Variants in NAA11 observed in about 807,000 individuals in gnomAD.
NAA11 encodes N-alpha-acetyltransferase 11, NatA catalytic subunit, also known as N-alpha-acetyltransferase 11.
NAA11 carries 15 observed loss-of-function variants against 16.1 expected under a neutral mutation model. That is an observed-to-expected ratio of 0.93 (90% confidence interval 0.62 to 1.44). The LOEUF (loss-of-function observed/expected upper bound fraction) is 1.44, where lower values mean the gene tolerates loss of function less well. NAA11 is among the 40% of genes most tolerant of loss of function. The pLI is 0.00. For missense variants in NAA11, 298 were observed against 291.3 expected (o/e 1.02, Z -0.17); for synonymous variants, 122 against 112.4 (o/e 1.09, Z -0.54).
chr4:79,264,493 C>T (rs993626659), intron 2 of NAA11, among the ~76,000 whole-genome samples: 3 of 152,126 alleles, frequency 2.0e-5, no homozygotes, highest in South Asian at 2.1e-4. Context: ...GTTGTCTATT[C>T]TCACTGTCTT....
the NAA11 span, among the ~76,000 whole-genome samples, chr4:79,180,485 A>G: frequency 0.01 from 1,528 of 152,346 alleles, 29 homozygotes; most frequent in African/African-American, 0.035. Context: ...AAAAATGCTC[A>G]TCATCACTGG....
intron 2 of NAA11, among the ~76,000 whole-genome samples, chr4:79,291,591 G>A (rs1397791375): frequency 5.3e-5 from 8 of 152,132 alleles, no homozygotes; most frequent in African/African-American, 1.9e-4. Context: ...GGGCGTGGTG[G>A]TGCATGCCTG....
rs1451090813 is a variant in NAA11, at chr4:79,254,679, TTTAA to T, written c.*123-28413_*123-28410del. 3.3e-5 allele frequency among the ~76,000 whole-genome samples: 5 copies of T among 150,032 alleles called. No individual in the cohort carries two copies. The East Asian group carries it at 9.7e-4, about 29-fold the overall frequency. On this transcript the variant is annotated intron_variant and NMD_transcript_variant, in intron 2 of 2. Transcript: ENST00000511542. ...TTTTTTACTTTTTTCTTTTAGTTAA[TTTAA>T]TTTATTTATTTACTTTTTTATTATT...
At chr4:79,168,570 G>C in the NAA11 span, among the ~76,000 whole-genome samples, 3 of 152,160 alleles carry the variant, frequency 2.0e-5, no homozygotes, top group Non-Finnish European at 2.9e-5. Flanking sequence ...ATTCGAACTA[G>C]CGTGAGATGG....
At chr4:79,234,794 A>G (rs1721535745) in intron 2 of NAA11, among the ~76,000 whole-genome samples, 1 of 152,126 alleles carries the variant, frequency 6.6e-6, no homozygotes, top group Non-Finnish European at 1.5e-5. Flanking sequence ...ATTTTTTAAA[A>G]TGTTATGAAC....
intron 2 of NAA11, among the ~76,000 whole-genome samples, chr4:79,266,327 C>G (rs1413024135): frequency 1.3e-5 from 2 of 152,146 alleles, no homozygotes. Flanking sequence ...TGGCAGGCAA[C>G]CTGATGTGCA....
chr4:79,160,418 T>C, the NAA11 span, among the ~76,000 whole-genome samples: 1 of 152,244 alleles, frequency 6.6e-6, no homozygotes, highest in African/African-American at 2.4e-5. Flanking sequence ...GGTCCTATGG[T>C]AACTTTTTGA....
chr4:79,279,528 A>G (rs1722739160), intron 2 of NAA11, among the ~76,000 whole-genome samples: 2 of 152,112 alleles, frequency 1.3e-5, no homozygotes, highest in Admixed American at 1.3e-4. Context: ...AAGCAAACAT[A>G]GTAACTAAGA....
chr4:79,167,634 G>T, the NAA11 span, among the ~76,000 whole-genome samples: 1 of 151,930 alleles, frequency 6.6e-6, no homozygotes, highest in Admixed American at 6.6e-5. Context: ...TTCTCTCATT[G>T]CTATGAAGAA....
the NAA11 span, among the ~76,000 whole-genome samples, chr4:79,218,068 A>G: frequency 6.6e-6 from 1 of 152,078 alleles, no homozygotes; most frequent in African/African-American, 2.4e-5. Flanking sequence ...TAACCTAGGG[A>G]TTATCTGGTA....
the NAA11 span, among the ~76,000 whole-genome samples, chr4:79,184,138 T>C: frequency 6.6e-6 from 1 of 152,246 alleles, no homozygotes; most frequent in African/African-American, 2.4e-5. Flanking sequence ...GGCACACTAA[T>C]GTCTACAGAA....
intron 2 of NAA11, among the ~76,000 whole-genome samples, chr4:79,266,533 T>C (rs1201863851): frequency 6.6e-6 from 1 of 152,236 alleles, no homozygotes; most frequent in Non-Finnish European, 1.5e-5. Flanking sequence ...GCCCCTGCTC[T>C]CTTACAGTTT....
the NAA11 span, among the ~76,000 whole-genome samples, chr4:79,170,969 A>G: frequency 6.6e-6 from 1 of 152,158 alleles, no homozygotes; most frequent in African/African-American, 2.4e-5. Flanking sequence ...AATCCAAGCT[A>G]TGAAAGATTC....
intron 2 of NAA11, among the ~76,000 whole-genome samples, chr4:79,234,015 C>T (rs1219836623): frequency 6.6e-6 from 1 of 151,974 alleles, no homozygotes; most frequent in African/African-American, 2.4e-5. Context: ...GAAACCAGTG[C>T]AGAAGAACAC....
chr4:79,201,847 TA>T, the NAA11 span, among the ~76,000 whole-genome samples: 1 of 151,904 alleles, frequency 6.6e-6, no homozygotes, highest in South Asian at 2.1e-4. Context: ...ATATTAACAA[TA>T]TTGTAAAGTT....
downstream of NAA11, among the ~76,000 whole-genome samples, chr4:79,314,037 T>C (rs967190739): frequency 1.3e-5 from 2 of 152,150 alleles, no homozygotes; most frequent in African/African-American, 4.8e-5. Context: ...TAGCTATTGT[T>C]TGCTTGAAAA....
At chr4:79,249,978 CAG>C (rs1390817890) in intron 2 of NAA11, among the ~76,000 whole-genome samples, 1 of 152,208 alleles carries the variant, frequency 6.6e-6, no homozygotes, top group African/African-American at 2.4e-5. Flanking sequence ...CAGCATGACT[CAG>C]AGAGAGTGAG....
intron 2 of NAA11, among the ~76,000 whole-genome samples, chr4:79,276,508 A>G (rs1330396933): frequency 6.6e-6 from 1 of 152,142 alleles, no homozygotes; most frequent in African/African-American, 2.4e-5. Flanking sequence ...GTCTCCCATG[A>G]CAGGGAGGAA....
intron 1 of NAA11, chr4:79,305,149 T>C (rs977004850): frequency 7.9e-5 from 12 of 152,196 alleles, no homozygotes; most frequent in African/African-American, 2.7e-4. Flanking sequence ...GACTGACCCA[T>C]GTCTTTTCTG....
Sources: gnomAD v4.1 joint callset for allele counts (sites outside exome capture counted in the v4.1 genomes callset) on GRCh38, gnomAD v4.1.1 for gene constraint, MANE v1.5 for transcripts, NCBI Gene and HGNC (gene_info 2026-07-23, HGNC 2026-07-21) for gene names.